CTNND2: variants seen among roughly 807,000 people sequenced by gnomAD.
CTNND2 encodes the protein catenin delta 2.
A neutral mutation model predicts 144.4 loss-of-function variants in CTNND2; 22 were observed. That is an observed-to-expected ratio of 0.15 (90% CI 0.11 to 0.22). The LOEUF (loss-of-function observed/expected upper bound fraction) is 0.22. CTNND2 is among the 10% of genes least tolerant of loss of function. The pLI, the probability that CTNND2 is intolerant of heterozygous loss-of-function variation, is 1.00. For synonymous variants in CTNND2, 751 were observed against 695.6 expected (o/e 1.08, Z -1.25); for missense variants, 1,353 against 1,618.8 (o/e 0.84, Z 2.82).
At chr5:11,404,082 A>T (rs972401875) in intron 5 of CTNND2, among the ~76,000 whole-genome samples, 1 of 152,200 alleles carries the variant, frequency 6.6e-6, no homozygotes, top group Non-Finnish European at 1.5e-5. Context: ...AATGTTTCCA[A>T]CAGAAGAATA....
intron 2 of CTNND2, among the ~76,000 whole-genome samples, chr5:11,667,707 C>T (rs1783649960): frequency 6.6e-6 from 1 of 152,268 alleles, no homozygotes; most frequent in South Asian, 2.1e-4. Flanking sequence ...TTCTCCCATT[C>T]TGTAGATTGT....
intron 9 of CTNND2, among the ~76,000 whole-genome samples, chr5:11,301,657 T>C (rs1749622459): frequency 6.6e-6 from 1 of 152,184 alleles, no homozygotes; most frequent in South Asian, 2.1e-4. Flanking sequence ...TATTCTTCAC[T>C]CAGCATTGCA....
intron 3 of CTNND2, among the ~76,000 whole-genome samples, chr5:11,535,848 G>T (rs189148463): frequency 6.6e-6 from 1 of 152,246 alleles, no homozygotes; most frequent in African/African-American, 2.4e-5. Flanking sequence ...CTAATCAGGT[G>T]ACTTAGAAAA....
chr5:11,144,129 C>T (rs1170733431), intron 12 of CTNND2, among the ~76,000 whole-genome samples: 1 of 152,232 alleles, frequency 6.6e-6, no homozygotes, highest in African/African-American at 2.4e-5. Flanking sequence ...CAGGTCTGCA[C>T]CAGCTAGGGG....
chr5:11,860,778 G>A lies in CTNND2; in HGVS notation c.37+43039C>T, dbSNP rs73048735. ...TTAAATACAATAGGTTTTTGAAGAA[G>A]GTTGGCACATCTCCGTTACTCCAGG... On this transcript the variant is annotated intron_variant, in intron 1 of 21. Transcript: ENST00000304623. 8.0e-3 allele frequency among the ~76,000 whole-genome samples: 1,223 copies of A among 152,164 alleles called. 19 individuals carry two copies. The highest frequency in any genetic ancestry group is 0.029 in the African/African-American group (1,186 of 41,512).
At chr5:11,250,373 A>C (rs1049769062) in intron 9 of CTNND2, among the ~76,000 whole-genome samples, 1 of 149,518 alleles carries the variant, frequency 6.7e-6, no homozygotes, top group Non-Finnish European at 1.5e-5. Context: ...CCTTTTTCTT[A>C]CTTCTGTGTC....
chr5:11,622,120 AC>A (rs1409015429), intron 2 of CTNND2, among the ~76,000 whole-genome samples: 1 of 152,108 alleles, frequency 6.6e-6, no homozygotes, highest in Non-Finnish European at 1.5e-5. Context: ...GAAGAACATC[AC>A]CCCATGCCTT....
intron 11 of CTNND2, among the ~76,000 whole-genome samples, chr5:11,162,947 G>A (rs981390016): frequency 1.3e-5 from 2 of 151,334 alleles, no homozygotes; most frequent in Admixed American, 6.6e-5. Flanking sequence ...CTTGACTGAC[G>A]GAAGAGAGAT....
chr5:11,128,807 AAT>A (rs1285480852), intron 12 of CTNND2, among the ~76,000 whole-genome samples: 31 of 16,810 alleles, frequency 1.8e-3, no homozygotes, highest in African/African-American at 6.0e-3. Context: ...ATATATATAC[AAT>A]ATATATAATA....
At chr5:11,208,176 G>A (rs991189740) in intron 10 of CTNND2, among the ~76,000 whole-genome samples, 1 of 152,034 alleles carries the variant, frequency 6.6e-6, no homozygotes, top group South Asian at 2.1e-4. Flanking sequence ...TCTGTATGAA[G>A]AAAACGACAT....
chr5:11,435,486 A>G (rs1763690015), intron 3 of CTNND2, among the ~76,000 whole-genome samples: 1 of 152,112 alleles, frequency 6.6e-6, no homozygotes, highest in African/African-American at 2.4e-5. Flanking sequence ...TTCAGGCTTT[A>G]CAAGCCCTAG....
chr5:10,989,510 G>A (rs1479646137), intron 19 of CTNND2, among the ~76,000 whole-genome samples: 2 of 152,132 alleles, frequency 1.3e-5, no homozygotes, highest in African/African-American at 2.4e-5. Flanking sequence ...CTGATTTTTA[G>A]GATAAATCTC....
intron 1 of CTNND2, among the ~76,000 whole-genome samples, chr5:11,882,665 T>C (rs577006724): frequency 3.3e-5 from 5 of 152,222 alleles, no homozygotes; most frequent in African/African-American, 1.2e-4. Flanking sequence ...TATGTGTCTG[T>C]TTTTATAACA....
At chr5:11,124,446 T>C (rs1754464011) in intron 12 of CTNND2, among the ~76,000 whole-genome samples, 1 of 152,154 alleles carries the variant, frequency 6.6e-6, no homozygotes, top group Admixed American at 6.5e-5. Flanking sequence ...CTTTTCTCGA[T>C]TCCACGAAGC....
intron 9 of CTNND2, among the ~76,000 whole-genome samples, chr5:11,301,602 T>G (rs955252766): frequency 1.3e-5 from 2 of 152,186 alleles, no homozygotes; most frequent in African/African-American, 4.8e-5. Context: ...TTTCTTCCCC[T>G]GAAGTTTCAT....
At chr5:11,506,700 A>T (rs546447280) in intron 3 of CTNND2, among the ~76,000 whole-genome samples, 51 of 152,364 alleles carry the variant, frequency 3.3e-4, no homozygotes, top group African/African-American at 1.2e-3. Flanking sequence ...AAAGATAAAC[A>T]TTTATTGTAA....
At chr5:11,766,213 T>A (rs1196609332) in intron 1 of CTNND2, among the ~76,000 whole-genome samples, 1 of 152,204 alleles carries the variant, frequency 6.6e-6, no homozygotes, top group Non-Finnish European at 1.5e-5. Flanking sequence ...GTGCACCCCA[T>A]AGGGAGAAGT....
At chr5:11,473,273 T>A (rs1005710056) in intron 3 of CTNND2, among the ~76,000 whole-genome samples, 1 of 151,484 alleles carries the variant, frequency 6.6e-6, no homozygotes, top group Non-Finnish European at 1.5e-5. Flanking sequence ...CAACTGGGAG[T>A]GGGGAGAGAG....
At chr5:11,705,613 T>A (rs928611240) in intron 2 of CTNND2, among the ~76,000 whole-genome samples, 16 of 152,182 alleles carry the variant, frequency 1.1e-4, no homozygotes, top group Non-Finnish European at 2.2e-4. Context: ...ATTTTAAAAA[T>A]ATAATTTTGA....
Sources: gnomAD v4.1 joint callset for allele counts (sites outside exome capture counted in the v4.1 genomes callset) on GRCh38, gnomAD v4.1.1 for gene constraint, MANE v1.5 for transcripts, NCBI Gene and HGNC (gene_info 2026-07-23, HGNC 2026-07-21) for gene names.